LRFN5: variants seen among roughly 807,000 people sequenced by gnomAD.
LRFN5 encodes leucine-rich repeat and fibronectin type-III domain-containing protein 5.
In LRFN5, 24 loss-of-function variants were observed where a neutral mutation model predicts 45.6. That is an observed-to-expected ratio of 0.53 (90% CI 0.38 to 0.74). The LOEUF is 0.74. Among genes scored for constraint, LRFN5 ranks in the 30% least tolerant of loss-of-function variants. The pLI is 0.00. For missense variants in LRFN5, 776 were observed against 861.5 expected (o/e 0.90, Z 1.24); for synonymous variants, 340 against 313.8 (o/e 1.08, Z -0.88).
intron 2 of LRFN5, among the ~76,000 whole-genome samples, chr14:41,855,217 A>G (rs1437233961): frequency 6.6e-6 from 1 of 152,174 alleles, no homozygotes; most frequent in East Asian, 1.9e-4. Context: ...TAGGGTGAAT[A>G]AAGTTATAAT....
At chr14:41,625,226 T>C (rs1888286517) in intron 1 of LRFN5, among the ~76,000 whole-genome samples, 1 of 151,488 alleles carries the variant, frequency 6.6e-6, no homozygotes, top group Non-Finnish European at 1.5e-5. Context: ...AGATCTCACC[T>C]TGAATTGTAA....
rs199711335 is a variant in LRFN5, at chr14:41,829,794, CT to C, written c.-20-56803del. Reference sequence around the variant, plus strand: ...GATTCCACACCTTTTTTTAGTAATACTTTTTTTTTAAATTTCTGCTGTAACA... The same window carrying C: ...GATTCCACACCTTTTTTTAGTAATACTTTTTTTTAAATTTCTGCTGTAACA... On this transcript the variant is annotated intron_variant, in intron 2 of 5. Transcript: ENST00000298119. 1.1e-3 allele frequency among the ~76,000 whole-genome samples: 159 copies of C among 150,868 alleles called. 1 individual carries two copies. The highest frequency in any genetic ancestry group is 7.1e-3 in the South Asian group (34 of 4,772).
intron 2 of LRFN5, among the ~76,000 whole-genome samples, chr14:41,784,631 T>TTGTG (rs34858248): frequency 6.6e-6 from 1 of 150,734 alleles, no homozygotes; most frequent in Admixed American, 6.6e-5. Context: ...GTGTGTGTGT[T>TTGTG]TGTGTGTGTG....
At chr14:41,855,661 G>A (rs572621166) in intron 2 of LRFN5, among the ~76,000 whole-genome samples, 111 of 152,200 alleles carry the variant, frequency 7.3e-4, no homozygotes, top group Non-Finnish European at 1.1e-3. Context: ...GCCTACTAAG[G>A]AAACTCTTGA....
chr14:41,662,855 C>G (rs1242499501), intron 1 of LRFN5, among the ~76,000 whole-genome samples: 1 of 152,088 alleles, frequency 6.6e-6, no homozygotes, highest in Non-Finnish European at 1.5e-5. Context: ...AATTCTGCAT[C>G]CATTGATCCC....
rs73311035 is a variant in LRFN5 at position 41,735,430 on chromosome 14, G to A, written c.-196-31424G>A. 4.5e-3 allele frequency among the ~76,000 whole-genome samples: 683 copies of A among 151,824 alleles called. 5 individuals carry two copies. Among genetic ancestry groups the A allele is most frequent in the African/African-American group, 0.015 (634 of 41,394 alleles). ...CCACAGGTGTGCACAACCATACCCC[G>A]CTAATCTTTACTTTTACTTTTAGCA... On this transcript the variant is annotated intron_variant, in intron 1 of 5. Coordinates refer to ENST00000298119, the MANE Select transcript of LRFN5 (RefSeq NM_152447.5).
intron 5 of LRFN5, 57 bp from the exon 6 acceptor site, chr14:41,904,101 T>TTTTC (rs555883286): frequency 7.1e-7 from 1 of 1,417,202 alleles, no homozygotes; most frequent in African/African-American, 1.4e-5. Flanking sequence ...TAGCTATGTG[T>TTTTC]TTTCTTTCTT....
At chr14:41,675,485 C>T (rs536346112) in intron 1 of LRFN5, among the ~76,000 whole-genome samples, 1 of 152,128 alleles carries the variant, frequency 6.6e-6, no homozygotes, top group Non-Finnish European at 1.5e-5. Flanking sequence ...CGCCTGCAAT[C>T]GCAGGCACTC....
At chr14:41,813,727 C>G (rs894893206) in intron 2 of LRFN5, among the ~76,000 whole-genome samples, 1 of 152,132 alleles carries the variant, frequency 6.6e-6, no homozygotes, top group Admixed American at 6.5e-5. Context: ...ATGGCTGGGT[C>G]AAATGATATT....
intron 2 of LRFN5, among the ~76,000 whole-genome samples, chr14:41,876,698 G>T (rs2139129401): frequency 6.6e-6 from 1 of 151,966 alleles, no homozygotes; most frequent in African/African-American, 2.4e-5. Flanking sequence ...CTACCTACCT[G>T]CCCTCTCTTT....
rs1480928712 is a variant in LRFN5, at chr14:41,887,090, C to G, written c.465C>G (p.Ser155=). ...DVFALEELDL[S]YNNLETIPWD... is the part of the protein sequence containing the mutation. The stretch of plus-strand genomic sequence containing the variant: ...TCGCCCTTGAGGAGCTGGATCTGTC[C>G]TATAATAATCTAGAAACCATTCCTT... Residue 155 remains serine (S), a synonymous_variant, in exon 3 of 6, where the codon TCC becomes TCG. Coordinates refer to ENST00000298119, the MANE Select transcript of LRFN5 (RefSeq NM_152447.5). This position sits in a 1 kb window ranked among gnomAD's most constrained non-coding sequence, Gnocchi z 4.8. 2 of 1,613,796 alleles carry G rather than the reference C, an allele frequency of 1.2e-6. No individual in the cohort carries two copies. Among genetic ancestry groups the G allele is most frequent in the East Asian group, 4.5e-5 (2 of 44,894 alleles).
At chr14:41,670,256 GATATAT>G (rs1165968461) in intron 1 of LRFN5, among the ~76,000 whole-genome samples, 6,813 of 45,344 alleles carry the variant, frequency 0.15, 620 homozygotes, top group Non-Finnish European at 0.21. Context: ...CATACACACA[GATATAT>G]ATATATATAT....
At chr14:41,758,259 A>G (rs929861628) in intron 1 of LRFN5, among the ~76,000 whole-genome samples, 3 of 152,214 alleles carry the variant, frequency 2.0e-5, no homozygotes, top group African/African-American at 7.2e-5. Flanking sequence ...GACATATTTC[A>G]ATATGACTAT....
intron 2 of LRFN5, among the ~76,000 whole-genome samples, chr14:41,847,768 A>G (rs562304662): frequency 9.8e-4 from 149 of 152,254 alleles, no homozygotes; most frequent in African/African-American, 3.4e-3. Flanking sequence ...TATCTTGCAC[A>G]AAAGTTATAA....
intron 2 of LRFN5, among the ~76,000 whole-genome samples, chr14:41,819,644 C>T (rs1449826336): frequency 6.6e-6 from 1 of 152,016 alleles, no homozygotes; most frequent in Non-Finnish European, 1.5e-5. Context: ...GAGCAGGCAT[C>T]TCATGGCCAG....
At chr14:41,658,569 A>G (rs961113439) in intron 1 of LRFN5, among the ~76,000 whole-genome samples, 4 of 151,926 alleles carry the variant, frequency 2.6e-5, no homozygotes, top group African/African-American at 9.7e-5. Flanking sequence ...TCATATGTAA[A>G]TAAGAAAAAC....
At chr14:41,777,130 A>G (rs1886321396) in intron 2 of LRFN5, among the ~76,000 whole-genome samples, 2 of 151,924 alleles carry the variant, frequency 1.3e-5, no homozygotes, top group African/African-American at 2.4e-5. Flanking sequence ...ATTGTGGAAT[A>G]AATAGCTACT....
At chr14:41,612,537 A>G (rs1206925960) in intron 1 of LRFN5, among the ~76,000 whole-genome samples, 1 of 152,200 alleles carries the variant, frequency 6.6e-6, no homozygotes, top group Non-Finnish European at 1.5e-5. Flanking sequence ...CCCCTAGAAT[A>G]CATAACTAGC....
chr14:41,731,152 A>G (rs932429259), intron 1 of LRFN5, among the ~76,000 whole-genome samples: 9 of 152,150 alleles, frequency 5.9e-5, no homozygotes, highest in Non-Finnish European at 1.2e-4. Context: ...CCAAAGTCTC[A>G]TCACACACCA....
Sources: allele counts gnomAD v4.1 joint callset (sites outside exome capture counted in the v4.1 genomes callset), GRCh38; gene constraint gnomAD v4.1.1; non-coding constraint Gnocchi (gnomAD v3.1); transcripts MANE v1.5; gene names NCBI Gene and HGNC (gene_info 2026-07-23, HGNC 2026-07-21).